The following NUP155 variants were observed in gnomAD, a reference collection of about 807,000 sequenced individuals.
NUP155 encodes nuclear pore complex protein Nup155.
Under a neutral mutation model 180.4 loss-of-function variants are expected in NUP155, and 71 were observed. The observed-to-expected ratio is 0.39, with a 90% CI of 0.33 to 0.48. NUP155 has a LOEUF of 0.48. NUP155 is among the 20% of genes least tolerant of loss of function. The pLI is 0.91. For missense variants in NUP155, 1,553 were observed against 1,648.9 expected (o/e 0.94, Z 1.01); for synonymous variants, 582 against 559.5 (o/e 1.04, Z -0.57).
intron 32 of NUP155, among the ~76,000 whole-genome samples, chr5:37,294,806 C>G (rs1742433985): frequency 6.6e-6 from 1 of 151,936 alleles, no homozygotes; most frequent in South Asian, 2.1e-4. Context: ...ACAGGCAAAT[C>G]TAAAGTAGAT....
intron 9 of NUP155, among the ~76,000 whole-genome samples, chr5:37,344,038 C>A (rs1745916899): frequency 6.6e-6 from 1 of 152,064 alleles, no homozygotes; most frequent in Non-Finnish European, 1.5e-5. Context: ...CTATGTAATA[C>A]TGGCTAAAAG....
rs1477493519 is a variant in NUP155 at position 37,295,861 on chromosome 5, G to A, written c.3794-1396C>T. 1.7e-4 allele frequency among the ~76,000 whole-genome samples: 24 copies of A among 145,074 alleles called. No individual in the cohort carries two copies. In the East Asian group the frequency reaches 2.5e-3, roughly 15 times the overall value. ...AGCCCCTCCGCCCGGCAGCCACCCCGTCCGGGAGGGAGGTTGGGGGGTCAG... is the reference window on the plus strand; with the variant it reads ...AGCCCCTCCGCCCGGCAGCCACCCCATCCGGGAGGGAGGTTGGGGGGTCAG... On this transcript the variant is annotated intron_variant, in intron 32 of 34. Transcript: ENST00000231498.
intron 30 of NUP155, among the ~76,000 whole-genome samples, chr5:37,299,992 C>T (rs1418713331): frequency 6.7e-6 from 1 of 149,494 alleles, no homozygotes; most frequent in Non-Finnish European, 1.5e-5. Flanking sequence ...GCACTCTAGC[C>T]TGGTGACAGA....
chr5:37,358,043 T>C (rs770567336), intron 4 of NUP155, 38 bp downstream of exon 4: 8 of 1,425,108 alleles, frequency 5.6e-6, no homozygotes, highest in East Asian at 2.3e-5. Flanking sequence ...AGTTTACATA[T>C]ACAAACATAA....
intron 10 of NUP155, among the ~76,000 whole-genome samples, chr5:37,341,937 T>C (rs560972189): frequency 6.6e-6 from 1 of 152,344 alleles, no homozygotes; most frequent in African/African-American, 2.4e-5. Flanking sequence ...TACATTTCAT[T>C]AGAAAGAACT....
At chr5:37,335,653 TTTAAAAATGTTA>T (rs74553414) in intron 12 of NUP155, among the ~76,000 whole-genome samples, 2,911 of 152,244 alleles carry the variant, frequency 0.019, 40 homozygotes, top group Middle Eastern at 0.038. Flanking sequence ...TATAATAACA[TTTAAAAATGTTA>T]TTGGCTGGAC....
chr5:37,367,790 C>A (rs1581224204), intron 1 of NUP155, among the ~76,000 whole-genome samples: 1 of 149,048 alleles, frequency 6.7e-6, no homozygotes. Flanking sequence ...ACCTGGGCCT[C>A]CCATTTCTTT....
At chr5:37,308,003 A>G (rs936837711) in intron 24 of NUP155, among the ~76,000 whole-genome samples, 10 of 151,382 alleles carry the variant, frequency 6.6e-5, no homozygotes, top group Non-Finnish European at 8.8e-5. Context: ...CCTATTTCAA[A>G]TAACAAAAAG....
intron 27 of NUP155, among the ~76,000 whole-genome samples, chr5:37,304,124 C>A (rs921352265): frequency 3.3e-5 from 5 of 151,592 alleles, no homozygotes; most frequent in African/African-American, 1.2e-4. Context: ...GTGGCGGGTG[C>A]CTGTAATCCC....
At chr5:37,339,307 C>CA (rs1283751834) in intron 11 of NUP155, among the ~76,000 whole-genome samples, 4,059 of 63,002 alleles carry the variant, frequency 0.064, 225 homozygotes, top group African/African-American at 0.16. Flanking sequence ...GACACTGTCT[C>CA]AAAAAAAAAA....
At chr5:37,299,077 G>C in intron 31 of NUP155, 99 bp from the exon 32 acceptor site, 1 of 752,770 alleles carries the variant, frequency 1.3e-6, no homozygotes, top group Admixed American at 2.0e-5. Flanking sequence ...AAATACTTTA[G>C]AACAGATAGT....
chr5:37,329,339 G>T, intron 15 of NUP155, 61 bp from the exon 16 acceptor site: 1 of 1,339,908 alleles, frequency 7.5e-7, no homozygotes, highest in South Asian at 1.2e-5. Context: ...CTTAAAAACT[G>T]GAATTGTTCC....
rs767130555 is a variant in NUP155, at chr5:37,301,509, C to A, written c.3489G>T (p.Arg1163Ser). 6.2e-7 allele frequency: 1 copy of A among 1,613,696 alleles called. No homozygotes were observed. Among genetic ancestry groups the A allele is most frequent in the East Asian group, 2.2e-5 (1 of 44,856 alleles). ...IQLQIQETLQ[R>S]QYSHHSSVQD... ...GTACAGAAGAATGATGGGAATACTG[C>A]CTTTGTAGTGTCTCCTGTATCTGAA... The change falls in exon 30 of 35, where the codon AGG becomes AGT. Residue 1163 changes from arginine (R) to serine (S), a missense_variant. Physicochemically the swap from Arg to Ser is moderately radical, Grantham distance 110. Coordinates refer to ENST00000231498, the MANE Select transcript of NUP155 (RefSeq NM_153485.3).
At chr5:37,334,384 C>CT (rs111817788) in intron 12 of NUP155, among the ~76,000 whole-genome samples, 16,494 of 145,686 alleles carry the variant, frequency 0.11, 3,020 homozygotes, top group African/African-American at 0.38. Context: ...CAGGCATTAC[C>CT]TTTTTTTTTT....
At chr5:37,325,827 A>G in intron 19 of NUP155, 74 bp downstream of exon 19, 1 of 911,930 alleles carries the variant, frequency 1.1e-6, no homozygotes, top group Non-Finnish European at 1.8e-6. Flanking sequence ...ATATCAGGAA[A>G]TGTGAAACAA....
Position 37,333,518 on chromosome 5 carries a change from A to G in NUP155, c.1463T>C (p.Val488Ala), listed in dbSNP as rs1745114226. 2 of 1,613,966 alleles carry G rather than the reference A, an allele frequency of 1.2e-6. No homozygotes were observed. The highest frequency in any genetic ancestry group is 2.7e-5 in the African/African-American group (2 of 74,928). Residue 488 changes from valine (V) to alanine (A), a missense_variant, in exon 13 of 35, where the codon GTT (valine) becomes GCT (alanine). By Grantham distance (64) the Val-to-Ala change is moderately conservative. Transcript: ENST00000231498. ...KDHIPITDSP[V>A]VVQQHMLPPK... Reference sequence around the variant, plus strand: ...AGGTAACATGTGCTGCTGTACAACAACTGGTGAATCAGTTATTGGAATATG... The same window carrying G: ...AGGTAACATGTGCTGCTGTACAACAGCTGGTGAATCAGTTATTGGAATATG...
intron 22 of NUP155, among the ~76,000 whole-genome samples, chr5:37,311,620 T>A (rs1004194711): frequency 6.6e-6 from 1 of 151,968 alleles, no homozygotes; most frequent in South Asian, 2.1e-4. Context: ...AAAAAGTAAG[T>A]GTTTCAGAGT....
intron 22 of NUP155, among the ~76,000 whole-genome samples, chr5:37,313,610 C>T (rs2150951544): frequency 6.6e-6 from 1 of 152,062 alleles, no homozygotes; most frequent in South Asian, 2.1e-4. Flanking sequence ...AAGTGCTCCT[C>T]CCACTTCAGC....
Position 37,327,663 on chromosome 5 carries a change from T to C in NUP155, c.1990A>G (p.Asn664Asp). The C allele has an allele frequency of 6.2e-7, 1 of 1,614,160 alleles. No individual in the cohort carries two copies. Among genetic ancestry groups the C allele is most frequent in the Non-Finnish European group, 8.5e-7 (1 of 1,180,022 alleles). Residue 664 changes from asparagine (N) to aspartate (D), a missense_variant, in exon 18 of 35, where the codon AAT becomes GAT. By Grantham distance (23) the Asn-to-Asp change is conservative. Coordinates refer to ENST00000231498, the MANE Select transcript of NUP155 (RefSeq NM_153485.3). The stretch of plus-strand genomic sequence containing the variant: ...CGAGAAAAGTAAATGCAAATACCAT[T>C]GTGTTTTCCAGAGTACACAATCTCT... Reference protein sequence around the residue: ...GPEIVYSGKHNGICIYFSRIM... With the variant: ...GPEIVYSGKHDGICIYFSRIM...
Sources: allele counts gnomAD v4.1 joint callset (sites outside exome capture counted in the v4.1 genomes callset), GRCh38; gene constraint gnomAD v4.1.1; transcripts MANE v1.5; gene names NCBI Gene and HGNC (gene_info 2026-07-23, HGNC 2026-07-21).